Variants in PTPRE observed in about 807,000 individuals in gnomAD.
The protein encoded by PTPRE is receptor-type tyrosine-protein phosphatase epsilon.
In PTPRE, 51 loss-of-function variants were observed where a neutral mutation model predicts 102.0. The observed-to-expected ratio is 0.50, with a 90% CI of 0.40 to 0.63. The LOEUF is 0.63. Ranked by LOEUF, PTPRE falls within the 30% of genes least tolerant of loss-of-function variation. The probability of loss-of-function intolerance (pLI) is 0.00; values close to 1 mark genes in which losing one functional copy is unlikely to be tolerated. For synonymous variants in PTPRE, 345 were observed against 348.2 expected (o/e 0.99, Z 0.10); for missense variants, 752 against 915.1 (o/e 0.82, Z 2.30).
At chr10:128,023,863 T>A (rs1402693240) in intron 2 of PTPRE, among the ~76,000 whole-genome samples, 2 of 152,246 alleles carry the variant, frequency 1.3e-5, no homozygotes, top group Non-Finnish European at 2.9e-5. Flanking sequence ...TACTCTGTAA[T>A]AATATTTTGG....
intron 6 of PTPRE, among the ~76,000 whole-genome samples, chr10:128,055,064 A>G (rs1181702421): frequency 3.3e-5 from 5 of 152,132 alleles, no homozygotes; most frequent in Non-Finnish European, 5.9e-5. Context: ...ATGATAGGTG[A>G]GTTGCAAAGG....
intron 2 of PTPRE, among the ~76,000 whole-genome samples, chr10:128,001,621 C>T (rs1481758705): frequency 3.3e-5 from 5 of 152,190 alleles, no homozygotes; most frequent in Non-Finnish European, 5.9e-5. Context: ...CAGGGGCTGG[C>T]AGCTGCTCAG....
intron 18 of PTPRE, among the ~76,000 whole-genome samples, 176 bp from the exon 19 acceptor site, chr10:128,077,441 T>C (rs1035214946): frequency 1.3e-5 from 2 of 152,134 alleles, no homozygotes; most frequent in African/African-American, 2.4e-5. Context: ...ACCTGCCTTC[T>C]TCTTTAGGAC....
At chr10:127,957,390 T>C (rs1849481890) in intron 1 of PTPRE, among the ~76,000 whole-genome samples, 1 of 152,222 alleles carries the variant, frequency 6.6e-6, no homozygotes, top group South Asian at 2.1e-4. Context: ...ACCATATTTA[T>C]GTGGGTCTAT....
chr10:127,980,244 C>T (rs578035697), intron 1 of PTPRE, among the ~76,000 whole-genome samples: 10 of 152,162 alleles, frequency 6.6e-5, no homozygotes, highest in South Asian at 4.2e-4. Context: ...AGATTTTCCC[C>T]GGTTGTTTTA....
rs1487662862 is a variant in PTPRE, at chr10:128,083,387, A to C, written c.*481A>C. 1 of 152,526 alleles carries C rather than the reference A, an allele frequency of 6.6e-6. No individual in the cohort carries two copies. Among genetic ancestry groups the C allele is most frequent in the African/African-American group, 2.4e-5 (1 of 41,458 alleles). The allele number at this position is 152,526 out of a possible 1,614,324, so 9.4% of individuals were successfully genotyped here. On this transcript the variant is annotated 3_prime_UTR_variant, in exon 21 of 21. Transcript: ENST00000254667. The stretch of plus-strand genomic sequence containing the variant: ...TCGTGATGGTACAATGTAAATGGGG[A>C]CTTCTGTAAAGTTCTCAGTTTCGGT...
chr10:128,062,265 C>G (rs1849673628), intron 9 of PTPRE, among the ~76,000 whole-genome samples: 1 of 152,174 alleles, frequency 6.6e-6, no homozygotes, highest in South Asian at 2.1e-4. Context: ...GGCCAGGAGT[C>G]TTTAGGGCAA....
intron 2 of PTPRE, among the ~76,000 whole-genome samples, chr10:128,013,085 A>C (rs907449882): frequency 6.6e-6 from 1 of 152,102 alleles, no homozygotes; most frequent in Non-Finnish European, 1.5e-5. Context: ...TTAATAAAAT[A>C]CTCCCAAAGG....
intron 2 of PTPRE, among the ~76,000 whole-genome samples, chr10:127,991,094 A>C (rs1589929782): frequency 6.6e-6 from 1 of 152,276 alleles, no homozygotes; most frequent in Middle Eastern, 3.4e-3. Flanking sequence ...AACCATGGAA[A>C]CCCTCGATAT....
At chr10:128,009,330 A>T (rs1844779684) in intron 2 of PTPRE, among the ~76,000 whole-genome samples, 1 of 152,198 alleles carries the variant, frequency 6.6e-6, no homozygotes. Context: ...ATTCCAGAAA[A>T]GGGTAAAACA....
intron 1 of PTPRE, among the ~76,000 whole-genome samples, chr10:127,916,460 T>C (rs1023505688): frequency 6.6e-6 from 1 of 152,210 alleles, no homozygotes; most frequent in Non-Finnish European, 1.5e-5. Flanking sequence ...CATGCTGAAC[T>C]GTGAGTCAAT....
intron 1 of PTPRE, among the ~76,000 whole-genome samples, chr10:127,931,793 A>G (rs890803535): frequency 6.6e-6 from 1 of 152,220 alleles, no homozygotes; most frequent in Non-Finnish European, 1.5e-5. Flanking sequence ...ATCATTTATC[A>G]TGCACATTTT....
intron 2 of PTPRE, among the ~76,000 whole-genome samples, chr10:128,037,909 G>T (rs1395282622): frequency 6.6e-6 from 1 of 151,452 alleles, no homozygotes; most frequent in African/African-American, 2.4e-5. Context: ...CTCTGCCTCA[G>T]CCTCCTGAGT....
intron 20 of PTPRE, among the ~76,000 whole-genome samples, chr10:128,081,340 C>CATCT (rs1351972046): frequency 1.3e-5 from 2 of 152,190 alleles, no homozygotes; most frequent in Non-Finnish European, 2.9e-5. Context: ...GCCACAAGTA[C>CATCT]ATCTGTTCTC....
chr10:128,010,705 C>A (rs1844940544), intron 2 of PTPRE, among the ~76,000 whole-genome samples: 1 of 152,124 alleles, frequency 6.6e-6, no homozygotes, highest in African/African-American at 2.4e-5. Flanking sequence ...CATTCTCCTG[C>A]CTCAGCCTCC....
chr10:127,971,421 G>A (rs1234306525), intron 1 of PTPRE, among the ~76,000 whole-genome samples: 4 of 152,162 alleles, frequency 2.6e-5, no homozygotes, highest in South Asian at 2.1e-4. Flanking sequence ...TGGAAGGCAG[G>A]GAGGGCCCTT....
At chr10:127,954,985 T>A (rs531551558) in intron 1 of PTPRE, among the ~76,000 whole-genome samples, 2 of 151,860 alleles carry the variant, frequency 1.3e-5, no homozygotes, top group Admixed American at 6.6e-5. Context: ...GGGTTCCTCA[T>A]GCCTCTGAGT....
At chr10:127,982,663 G>A (rs905716484) in intron 2 of PTPRE, among the ~76,000 whole-genome samples, 4 of 152,134 alleles carry the variant, frequency 2.6e-5, no homozygotes, top group Non-Finnish European at 2.9e-5. Flanking sequence ...TCTGACCAGC[G>A]TTCAGGAGCG....
At chr10:128,062,881 T>C (rs1564947349) in intron 9 of PTPRE, 5 of 844,580 alleles carry the variant, frequency 5.9e-6, no homozygotes, top group Non-Finnish European at 8.8e-6. Context: ...CACTGAGGAG[T>C]TCCTAGCTGG....
Sources: allele counts gnomAD v4.1 joint callset (sites outside exome capture counted in the v4.1 genomes callset), GRCh38; gene constraint gnomAD v4.1.1; transcripts MANE v1.5; gene names NCBI Gene and HGNC (gene_info 2026-07-23, HGNC 2026-07-21).